SNAP29: variants seen among roughly 807,000 people sequenced by gnomAD.
SNAP29 encodes the protein synaptosome associated protein 29, also known as synaptosomal-associated protein 29.
Under a neutral mutation model 27.9 loss-of-function variants are expected in SNAP29, and 13 were observed. That is an observed-to-expected ratio of 0.47 (90% CI 0.30 to 0.74). The LOEUF (loss-of-function observed/expected upper bound fraction) is 0.74. SNAP29 is among the 30% of genes least tolerant of loss of function. SNAP29 has a pLI of 0.06. For synonymous variants in SNAP29, 119 were observed against 127.1 expected (o/e 0.94, Z 0.43); for missense variants, 368 against 336.5 (o/e 1.09, Z -0.73).
intron 1 of SNAP29, among the ~76,000 whole-genome samples, chr22:20,865,857 T>C (rs944300758): frequency 1.3e-5 from 2 of 152,214 alleles, no homozygotes; most frequent in African/African-American, 4.8e-5. Flanking sequence ...CAGAGTATTG[T>C]CAACCAAGGA....
At chr22:20,870,990 A>G (rs1194094974) in intron 2 of SNAP29, 1 of 293,720 alleles carries the variant, frequency 3.4e-6, no homozygotes, top group African/African-American at 2.2e-5. Flanking sequence ...TTACCCAGGC[A>G]TTGTGGTGCA....
intron 1 of SNAP29, among the ~76,000 whole-genome samples, chr22:20,863,931 A>G (rs1601644728): frequency 6.6e-6 from 1 of 152,084 alleles, no homozygotes; most frequent in Non-Finnish European, 1.5e-5. Context: ...CCACACTAGT[A>G]TGTAATGAGC....
At chr22:20,878,765 AG>A (rs1050017904) in intron 2 of SNAP29, among the ~76,000 whole-genome samples, 1 of 152,098 alleles carries the variant, frequency 6.6e-6, no homozygotes, top group African/African-American at 2.4e-5. Flanking sequence ...GAGATAGAGG[AG>A]AGCAGGCTGT....
At chr22:20,879,159 T>C (rs546526775) in intron 2 of SNAP29, among the ~76,000 whole-genome samples, 2 of 151,974 alleles carry the variant, frequency 1.3e-5, no homozygotes, top group Admixed American at 1.3e-4. Context: ...TACAAAAAAT[T>C]AGCCGGGCGT....
chr22:20,875,986 C>T (rs547828444), intron 2 of SNAP29, among the ~76,000 whole-genome samples: 1 of 151,808 alleles, frequency 6.6e-6, no homozygotes, highest in South Asian at 2.1e-4. Context: ...ACGGTGAAAC[C>T]CCGTCTCTAC....
intron 2 of SNAP29, among the ~76,000 whole-genome samples, chr22:20,877,849 A>G (rs187771349): frequency 2.0e-5 from 3 of 152,356 alleles, no homozygotes; most frequent in South Asian, 2.1e-4. Flanking sequence ...CAGCGTTGAG[A>G]TGTGCAGGCT....
chr22:20,877,754 G>A (rs1240736321), intron 2 of SNAP29, among the ~76,000 whole-genome samples: 2 of 152,094 alleles, frequency 1.3e-5, no homozygotes, highest in Non-Finnish European at 2.9e-5. Context: ...TCTTTGTGGG[G>A]GAGCCATTTT....
intron 1 of SNAP29, among the ~76,000 whole-genome samples, chr22:20,862,220 T>A (rs1382593498): frequency 1.3e-5 from 2 of 152,216 alleles, no homozygotes; most frequent in African/African-American, 4.8e-5. Context: ...TGATTGAGGA[T>A]CTCAAGCCCA....
chr22:20,863,277 A>G (rs1399945123), intron 1 of SNAP29, among the ~76,000 whole-genome samples: 1 of 151,084 alleles, frequency 6.6e-6, no homozygotes, highest in Admixed American at 6.6e-5. Context: ...GGCTTCCAGC[A>G]AATTCCAGCA....
rs575240461 is a variant in SNAP29 at position 20,888,311 on chromosome 22, TCACACACACACA to T, written c.*509_*520del. 1.1e-4 allele frequency: 20 copies of T among 174,662 alleles called. No homozygotes were observed. The highest frequency in any genetic ancestry group is 1.5e-4 in the East Asian group (1 of 6,566). 10.8% of individuals were successfully genotyped at this position (174,662 alleles called of 1,614,324 possible). ...CACACCTTTGTTTAGGAGTCATCAT[TCACACACACACA>T]CACACACACACACACACACACACAC... is the stretch of plus-strand genomic sequence containing the variant. On this transcript the variant is annotated 3_prime_UTR_variant, in exon 5 of 5. Transcript: ENST00000215730.
In SNAP29 at chr22:20,859,032, C is replaced by CGGGCG. The variant is rs1363467570; in HGVS notation, c.-73_-69dup. The CGGGCG allele has an allele frequency of 5.8e-6, 8 of 1,387,928 alleles. No homozygotes were observed. Among genetic ancestry groups the CGGGCG allele is most frequent in the Admixed American group, 2.3e-5 (1 of 43,968 alleles). The allele number at this position is 1,387,928 out of a possible 1,614,324, so 86.0% of individuals were successfully genotyped here. A position where few individuals can be genotyped will look rare whatever the true frequency, so the allele number is the denominator to read the frequency against. The stretch of plus-strand genomic sequence containing the variant: ...GTTCGCGCGACGACCGCGGGGTCGG[C>CGGGCG]GGGCGGGGCGAGGCCCTGGACGGCG... On this transcript the variant is annotated 5_prime_UTR_variant, in exon 1 of 5. Coordinates refer to ENST00000215730, the MANE Select transcript of SNAP29 (RefSeq NM_004782.4).
chr22:20,881,523 G>A (rs1407617388), intron 3 of SNAP29, among the ~76,000 whole-genome samples: 21 of 152,198 alleles, frequency 1.4e-4, no homozygotes, highest in South Asian at 2.1e-4. Context: ...TACTAATAAC[G>A]TGGTGAAACC....
chr22:20,891,097 C>G lies in SNAP29; in HGVS notation c.*3261C>G, dbSNP rs1451193557. 2 of 152,050 alleles carry G rather than the reference C, an allele frequency of 1.3e-5. No individual in the cohort carries two copies. The highest frequency in any genetic ancestry group is 3.9e-4 in the East Asian group (2 of 5,190). 9.4% of individuals were successfully genotyped at this position (152,050 alleles called of 1,614,324 possible). On this transcript the variant is annotated 3_prime_UTR_variant, in exon 5 of 5. Transcript: ENST00000215730. ...GTCCTTCGAGAAAGTTTTCTAACAT[C>G]TAGTAATTTGTAACTTAGAAGTGGA...
chr22:20,866,445 C>T (rs10483104), intron 1 of SNAP29, among the ~76,000 whole-genome samples: 10,451 of 152,340 alleles, frequency 0.069, 353 homozygotes, highest in East Asian at 0.08. Context: ...CCTCCGTCTA[C>T]TTATGATGAA....
chr22:20,881,309 A>T (rs1928885868), intron 3 of SNAP29, among the ~76,000 whole-genome samples, 175 bp downstream of exon 3: 1 of 152,134 alleles, frequency 6.6e-6, no homozygotes, highest in Non-Finnish European at 1.5e-5. Flanking sequence ...GCTCTTGCGG[A>T]GCTGGGGGTG....
chr22:20,887,614 C>T (rs1929049749), intron 4 of SNAP29, 65 bp from the exon 5 acceptor site: 1 of 1,576,056 alleles, frequency 6.3e-7, no homozygotes, highest in Admixed American at 1.7e-5. Flanking sequence ...CCCACACCAT[C>T]AAGAAGCATT....
At chr22:20,874,697 TG>T (rs1180706240) in intron 2 of SNAP29, among the ~76,000 whole-genome samples, 3 of 152,140 alleles carry the variant, frequency 2.0e-5, no homozygotes, top group Non-Finnish European at 4.4e-5. Flanking sequence ...TTGGTTTTTT[TG>T]GCTCAGCCAT....
intron 1 of SNAP29, among the ~76,000 whole-genome samples, chr22:20,861,698 C>T (rs777792842): frequency 5.3e-5 from 8 of 152,038 alleles, no homozygotes; most frequent in African/African-American, 1.2e-4. Flanking sequence ...TTCAGTGGCG[C>T]GATCTCAGCT....
At chr22:20,864,321 A>C (rs1482727873) in intron 1 of SNAP29, among the ~76,000 whole-genome samples, 1 of 152,108 alleles carries the variant, frequency 6.6e-6, no homozygotes, top group Non-Finnish European at 1.5e-5. Flanking sequence ...CATCCTCCAC[A>C]CCGTCTCGTG....
Sources: gnomAD v4.1 joint callset for allele counts (sites outside exome capture counted in the v4.1 genomes callset) on GRCh38, gnomAD v4.1.1 for gene constraint, MANE v1.5 for transcripts, NCBI Gene and HGNC (gene_info 2026-07-23, HGNC 2026-07-21) for gene names.